TCF12: variants seen among roughly 807,000 people sequenced by gnomAD.
The protein encoded by TCF12 is transcription factor 12.
In TCF12, 45 loss-of-function variants were observed where a neutral mutation model predicts 86.0. The observed-to-expected ratio is 0.52, with a 90% CI of 0.41 to 0.67. The LOEUF (loss-of-function observed/expected upper bound fraction) is 0.67. Ranked by LOEUF, TCF12 falls within the 30% of genes least tolerant of loss-of-function variation. The pLI, the probability that TCF12 is intolerant of heterozygous loss-of-function variation, is 0.00. For synonymous variants in TCF12, 330 were observed against 299.6 expected, an observed-to-expected ratio of 1.10 and a Z score of -1.05; for missense variants, 881 against 859.9, an observed-to-expected ratio of 1.02 and a Z score of -0.31.
chr15:57,197,861 A>T (rs2057348551), intron 8 of TCF12, 36 bp downstream of exon 8: 1 of 1,604,934 alleles, frequency 6.2e-7, no homozygotes, highest in African/African-American at 1.3e-5. Flanking sequence ...GATGGTAAAC[A>T]AACTGATTTC....
intron 7 of TCF12, among the ~76,000 whole-genome samples, chr15:57,192,511 C>T (rs965611840): frequency 6.6e-6 from 1 of 152,152 alleles, no homozygotes; most frequent in Non-Finnish European, 1.5e-5. Context: ...ACCTCAGCCT[C>T]GCAAGTAGCT....
chr15:57,028,109 A>G (rs1260804455), intron 3 of TCF12, among the ~76,000 whole-genome samples: 1 of 152,020 alleles, frequency 6.6e-6, no homozygotes, highest in Non-Finnish European at 1.5e-5. Flanking sequence ...GAACACAGGC[A>G]CGCATCACCA....
intron 5 of TCF12, among the ~76,000 whole-genome samples, chr15:57,108,679 T>TG (rs575604457): frequency 1.3e-5 from 2 of 151,454 alleles, no homozygotes; most frequent in South Asian, 4.2e-4. Context: ...GGGACATTGT[T>TG]GGGGGGTAGG....
intron 6 of TCF12, among the ~76,000 whole-genome samples, chr15:57,188,077 C>T (rs1476942316): frequency 6.6e-6 from 1 of 152,058 alleles, no homozygotes; most frequent in Non-Finnish European, 1.5e-5. Context: ...CACAATAAAA[C>T]TATTAGAGCT....
At chr15:57,149,910 G>C (rs2053622284) in intron 5 of TCF12, among the ~76,000 whole-genome samples, 1 of 152,136 alleles carries the variant, frequency 6.6e-6, no homozygotes, top group African/African-American at 2.4e-5. Flanking sequence ...TAAAGGGGGT[G>C]TGTGAAAGGG....
At chr15:56,918,559 C>A (rs2059603707), upstream of TCF12, 1 of 269,892 alleles carries the variant, frequency 3.7e-6, no homozygotes, top group South Asian at 3.0e-5. Flanking sequence ...GCCCCCTCTG[C>A]CGGCCCCACT....
At chr15:56,921,432 A>G (rs1473715905) in intron 3 of TCF12, among the ~76,000 whole-genome samples, 1 of 136,290 alleles carries the variant, frequency 7.3e-6, no homozygotes, top group Non-Finnish European at 1.6e-5. Flanking sequence ...GTTTAGAGTA[A>G]GTTAAAGTAG....
intron 19 of TCF12, among the ~76,000 whole-genome samples, chr15:57,281,493 TACGA>T (rs879693536): frequency 6.6e-6 from 1 of 152,202 alleles, no homozygotes; most frequent in Non-Finnish European, 1.5e-5. Context: ...AGTGGCCTGT[TACGA>T]ACGAACGGGC....
At chr15:56,979,662 A>G (rs2062790383) in intron 3 of TCF12, among the ~76,000 whole-genome samples, 1 of 152,202 alleles carries the variant, frequency 6.6e-6, no homozygotes, top group Admixed American at 6.5e-5. Flanking sequence ...AAAAATGTTT[A>G]TAGATTTTTA....
intron 4 of TCF12, among the ~76,000 whole-genome samples, chr15:57,071,295 C>T (rs544811346): frequency 8.6e-4 from 130 of 151,324 alleles, no homozygotes; most frequent in Admixed American, 3.4e-3. Flanking sequence ...ACCTGTGGTC[C>T]GAGCTACTCA....
chr15:57,056,716 C>T (rs1445362538), intron 3 of TCF12, among the ~76,000 whole-genome samples: 4 of 152,090 alleles, frequency 2.6e-5, no homozygotes, highest in African/African-American at 9.7e-5. Flanking sequence ...GCCTTGGCCT[C>T]CCAAAGTGCT....
intron 20 of TCF12, among the ~76,000 whole-genome samples, chr15:57,285,048 A>C (rs2061875502): frequency 6.6e-6 from 1 of 152,230 alleles, no homozygotes; most frequent in Non-Finnish European, 1.5e-5. Flanking sequence ...TCATCTTAGA[A>C]TATGTGTTAA....
chr15:57,055,022 G>C (rs1404048482), intron 3 of TCF12, among the ~76,000 whole-genome samples: 1 of 151,726 alleles, frequency 6.6e-6, no homozygotes, highest in East Asian at 1.9e-4. Context: ...TATGTGTTTT[G>C]AAGACATTAA....
chr15:57,011,683 G>C (rs1423894517), intron 3 of TCF12, among the ~76,000 whole-genome samples: 3 of 151,930 alleles, frequency 2.0e-5, no homozygotes, highest in African/African-American at 7.3e-5. Flanking sequence ...CCCCTAATTT[G>C]CAGACACCAA....
At chr15:57,120,070 C>T (rs761500190) in intron 5 of TCF12, among the ~76,000 whole-genome samples, 4 of 151,918 alleles carry the variant, frequency 2.6e-5, no homozygotes, top group Non-Finnish European at 5.9e-5. Flanking sequence ...ACTGAAATGC[C>T]CTTCATACAT....
chr15:57,027,035 C>T (rs368067321), intron 3 of TCF12, among the ~76,000 whole-genome samples: 46 of 150,890 alleles, frequency 3.0e-4, no homozygotes, highest in East Asian at 1.2e-3. Flanking sequence ...CAAATGTTTT[C>T]GAACTGAGGT....
At chr15:56,936,250 CAT>C (rs1156349242) in intron 3 of TCF12, among the ~76,000 whole-genome samples, 4 of 152,078 alleles carry the variant, frequency 2.6e-5, no homozygotes, top group Non-Finnish European at 4.4e-5. Context: ...AGCATTTTTT[CAT>C]ATGTTTGTTG....
chr15:56,954,390 T>A (rs2061413378), intron 3 of TCF12, among the ~76,000 whole-genome samples: 1 of 152,152 alleles, frequency 6.6e-6, no homozygotes, highest in East Asian at 1.9e-4. Context: ...AAACCGGATC[T>A]CTTCCTTAAC....
At chr15:57,128,141 G>T (rs533677215) in intron 5 of TCF12, among the ~76,000 whole-genome samples, 1 of 152,052 alleles carries the variant, frequency 6.6e-6, no homozygotes, top group Admixed American at 6.5e-5. Flanking sequence ...ATGTATGTCC[G>T]CTTCAAGTGT....
Sources: allele counts gnomAD v4.1 joint callset (sites outside exome capture counted in the v4.1 genomes callset), GRCh38; gene constraint gnomAD v4.1.1; transcripts MANE v1.5; gene names NCBI Gene and HGNC (gene_info 2026-07-23, HGNC 2026-07-21).